Variants in SLIT2 observed in about 807,000 individuals in gnomAD.
The protein encoded by SLIT2 is slit guidance ligand 2.
In SLIT2, 41 loss-of-function variants were observed where a neutral mutation model predicts 185.7. The observed-to-expected ratio is 0.22, with a 90% CI of 0.17 to 0.29. The LOEUF is 0.29. Ranked by LOEUF, SLIT2 falls within the 10% of genes least tolerant of loss-of-function variation. The pLI, the probability that SLIT2 is intolerant of heterozygous loss-of-function variation, is 1.00. For missense variants in SLIT2, 1,571 were observed against 1,909.0 expected, an observed-to-expected ratio of 0.82 and a Z score of 3.30; for synonymous variants, 693 against 680.2, an observed-to-expected ratio of 1.02 and a Z score of -0.29.
chr4:20,508,076 G>GA lies in SLIT2; in HGVS notation c.915-2411dup, dbSNP rs1361162533. ...GTCCTTCACTCTATTTAGAGCTTTT[G>GA]AAAAAAAACTCCCTTTCTTATGACC... On this transcript the variant is annotated intron_variant, in intron 9 of 36. Coordinates refer to ENST00000504154, the MANE Select transcript of SLIT2 (RefSeq NM_004787.4). Among the ~76,000 whole-genome samples, 13 of 151,196 alleles carry GA rather than the reference G, an allele frequency of 8.6e-5. No individual in the cohort carries two copies. The East Asian group carries it at 9.7e-4, about 11-fold the overall frequency.
At chr4:20,565,289 T>A (rs535710514) in intron 26 of SLIT2, among the ~76,000 whole-genome samples, 3 of 151,976 alleles carry the variant, frequency 2.0e-5, no homozygotes, top group Non-Finnish European at 4.4e-5. Context: ...ATTTGCTGAC[T>A]TGCTGTTTTG....
chr4:20,464,353 T>C (rs980937281), intron 4 of SLIT2, among the ~76,000 whole-genome samples: 1 of 152,170 alleles, frequency 6.6e-6, no homozygotes, highest in African/African-American at 2.4e-5. Flanking sequence ...CATTGTCTGC[T>C]GAAATAAGGA....
intron 4 of SLIT2, among the ~76,000 whole-genome samples, chr4:20,348,057 T>G (rs1721570214): frequency 6.6e-6 from 1 of 152,238 alleles, no homozygotes; most frequent in Non-Finnish European, 1.5e-5. Flanking sequence ...AAAAAGGGTG[T>G]GTACCAACAC....
intron 4 of SLIT2, among the ~76,000 whole-genome samples, chr4:20,448,004 G>T (rs1402697239): frequency 1.3e-5 from 2 of 152,172 alleles, no homozygotes; most frequent in Admixed American, 1.3e-4. Context: ...TGGTTAAAAA[G>T]AAATGGATAC....
Position 20,549,097 on chromosome 4 carries a change from A to G in SLIT2, c.2458A>G (p.Thr820Ala). The stretch of plus-strand genomic sequence containing the variant: ...CCGTCTGAGATGTATTCCTCCTCGC[A>G]CCTTTGATGGATTAAAGTCTCTTCG... The part of the protein sequence containing the change: ...YNRLRCIPPR[T>A]FDGLKSLRLL... The change falls in exon 24 of 37, where the codon ACC becomes GCC. Residue 820 changes from threonine to alanine, a missense_variant. Thr to Ala is a moderately conservative substitution (Grantham distance 58, BLOSUM62 0). Around this residue, in one of 3 missense-constraint regions of SLIT2, gnomAD observed 1,202 missense variants for 1,416.4 expected, o/e 0.85. Transcript: ENST00000504154. 3.1e-6 allele frequency: 5 copies of G among 1,599,230 alleles called. No individual in the cohort carries two copies. The highest frequency in any genetic ancestry group is 4.3e-6 in the Non-Finnish European group (5 of 1,166,940).
At chr4:20,345,537 C>CTTTTTTTTTTTTTTTTTTTTTTTTTTTT (rs149402460) in intron 4 of SLIT2, among the ~76,000 whole-genome samples, 1 of 112,318 alleles carries the variant, frequency 8.9e-6, no homozygotes, top group Non-Finnish European at 1.9e-5. Flanking sequence ...TTCCTTTTTT[C>CTTTTTTTTTTTTTTTTTTTTTTTTTTTT]TTTTTTCTTT....
intron 15 of SLIT2, 70 bp downstream of exon 15, chr4:20,525,242 A>G: frequency 9.0e-7 from 1 of 1,115,918 alleles, no homozygotes; most frequent in East Asian, 2.4e-5. Flanking sequence ...TAGCTTCTAA[A>G]ACTGATATGC....
intron 11 of SLIT2, among the ~76,000 whole-genome samples, chr4:20,519,140 A>G (rs903121340): frequency 2.6e-5 from 4 of 152,182 alleles, no homozygotes; most frequent in African/African-American, 9.6e-5. Context: ...GCAAGTGGAA[A>G]TGATATATAC....
intron 4 of SLIT2, among the ~76,000 whole-genome samples, chr4:20,433,744 T>G (rs1176016056): frequency 1.3e-5 from 2 of 152,196 alleles, no homozygotes; most frequent in African/African-American, 4.8e-5. Context: ...TCCCTCTGTT[T>G]GCAGAATCAT....
At chr4:20,504,426 A>C (rs1049306567) in intron 9 of SLIT2, among the ~76,000 whole-genome samples, 2 of 152,168 alleles carry the variant, frequency 1.3e-5, no homozygotes, top group Non-Finnish European at 2.9e-5. Context: ...TACAGACACA[A>C]TCAATCCAAA....
At chr4:20,479,293 T>C (rs1577742682) in intron 5 of SLIT2, among the ~76,000 whole-genome samples, 1 of 152,200 alleles carries the variant, frequency 6.6e-6, no homozygotes, top group African/African-American at 2.4e-5. Context: ...TGAAAGTCAC[T>C]GGATTAAATC....
intron 4 of SLIT2, among the ~76,000 whole-genome samples, chr4:20,422,098 T>G (rs1002958908): frequency 1.3e-5 from 2 of 152,176 alleles, no homozygotes; most frequent in Non-Finnish European, 2.9e-5. Context: ...CACTTCATAA[T>G]ACGTTTTAAT....
chr4:20,400,970 G>A (rs1428775099), intron 4 of SLIT2, among the ~76,000 whole-genome samples: 1 of 151,824 alleles, frequency 6.6e-6, no homozygotes, highest in African/African-American at 2.4e-5. Flanking sequence ...AAGATGATTT[G>A]TATCTGTTTA....
chr4:20,253,921 G>A lies in SLIT2; in HGVS notation c.106G>A (p.Gly36Ser), dbSNP rs1293401870. The A allele has an allele frequency of 2.5e-6, 4 of 1,602,498 alleles. No individual in the cohort carries two copies. Among genetic ancestry groups the A allele is most frequent in the Admixed American group, 1.7e-5 (1 of 60,014 alleles). ...QACPAQCSCSGSTVDCHGLAL... is the reference protein window; with the variant it reads ...QACPAQCSCSSSTVDCHGLAL... ...GTGCCCGGCGCAGTGCTCTTGCTCGGGCAGCACAGTGGACTGTCACGGGCT... is the reference window on the plus strand; with the variant it reads ...GTGCCCGGCGCAGTGCTCTTGCTCGAGCAGCACAGTGGACTGTCACGGGCT... The change falls in exon 1 of 37, where the codon GGC (glycine) becomes AGC (serine). Residue 36 changes from glycine to serine, a missense_variant. Gly to Ser is a moderately conservative substitution (Grantham distance 56). Transcript: ENST00000504154.
intron 4 of SLIT2, among the ~76,000 whole-genome samples, chr4:20,293,172 GTC>G (rs762585818): frequency 1.3e-5 from 2 of 152,204 alleles, no homozygotes; most frequent in Non-Finnish European, 2.9e-5. Flanking sequence ...AGGAAGGAAA[GTC>G]CATTCAAGCT....
chr4:20,569,536 A>C (rs1310068702), intron 29 of SLIT2, among the ~76,000 whole-genome samples: 3 of 151,978 alleles, frequency 2.0e-5, no homozygotes, highest in African/African-American at 7.2e-5. Context: ...GTTTCTTTGG[A>C]TGACACATCT....
intron 29 of SLIT2, among the ~76,000 whole-genome samples, chr4:20,581,925 T>G (rs1726612321): frequency 6.6e-6 from 1 of 152,162 alleles, no homozygotes; most frequent in African/African-American, 2.4e-5. Context: ...TTTTGTATTT[T>G]TAGTAGAGAC....
intron 4 of SLIT2, among the ~76,000 whole-genome samples, chr4:20,307,705 G>A (rs948789540): frequency 3.3e-5 from 5 of 152,312 alleles, no homozygotes; most frequent in African/African-American, 1.2e-4. Flanking sequence ...AAGTGCTTAA[G>A]TGTATACCAG....
At chr4:20,486,553 A>G (rs571414403) in intron 7 of SLIT2, among the ~76,000 whole-genome samples, 144 of 152,276 alleles carry the variant, frequency 9.5e-4, no homozygotes, top group Middle Eastern at 3.4e-3. Flanking sequence ...GAAATGGAAG[A>G]CTCCTTGATT....
Sources: gnomAD v4.1 joint callset for allele counts (sites outside exome capture counted in the v4.1 genomes callset) on GRCh38, gnomAD v4.1.1 for gene constraint, gnomAD v4.1.1 regional missense constraint, MANE v1.5 for transcripts, NCBI Gene and HGNC (gene_info 2026-07-23, HGNC 2026-07-21) for gene names.